FAM167A: variants seen among roughly 807,000 people sequenced by gnomAD.
FAM167A encodes protein FAM167A.
In FAM167A, 23 loss-of-function variants were observed where a neutral mutation model predicts 14.9. The observed-to-expected ratio is 1.55, with a 90% CI of 1.11 to 2.19. The LOEUF (loss-of-function observed/expected upper bound fraction) is 2.19. FAM167A is among the 30% of genes most tolerant of loss of function. FAM167A has a pLI of 0.00. For missense variants in FAM167A, 401 were observed against 281.5 expected, an observed-to-expected ratio of 1.42 and a Z score of -3.04; for synonymous variants, 174 against 117.7, an observed-to-expected ratio of 1.48 and a Z score of -3.10.
At chr8:11,433,744 C>T (rs1805784201) in intron 2 of FAM167A, among the ~76,000 whole-genome samples, 1 of 152,166 alleles carries the variant, frequency 6.6e-6, no homozygotes, top group South Asian at 2.1e-4. Flanking sequence ...TACAATTAGT[C>T]TCTGATGCAT....
At chr8:11,467,150 G>C (rs147952533), upstream of FAM167A, among the ~76,000 whole-genome samples, 2 of 152,230 alleles carry the variant, frequency 1.3e-5, no homozygotes, top group Non-Finnish European at 2.9e-5. Context: ...CATAGGACCC[G>C]CGGCCACGAC....
At chr8:11,455,795 G>C (rs200890665) in intron 1 of FAM167A, among the ~76,000 whole-genome samples, 1 of 21,922 alleles carries the variant, frequency 4.6e-5, no homozygotes, top group South Asian at 1.3e-3. Context: ...TGCTGGGGTT[G>C]TGTGAGTGTT....
intron 1 of FAM167A, among the ~76,000 whole-genome samples, chr8:11,456,744 C>T (rs1419125982): frequency 6.7e-6 from 1 of 149,296 alleles, no homozygotes; most frequent in Non-Finnish European, 1.5e-5. Flanking sequence ...ATGGGCGGGG[C>T]TGGGTGAAGG....
At chr8:11,426,968 A>G (rs1040431357) in intron 2 of FAM167A, among the ~76,000 whole-genome samples, 3 of 152,204 alleles carry the variant, frequency 2.0e-5, no homozygotes, top group African/African-American at 4.8e-5. Flanking sequence ...TCAGATGTCA[A>G]TTTACATTGC....
At chr8:11,468,235 G>A (rs1432273913), upstream of FAM167A, among the ~76,000 whole-genome samples, 1 of 152,222 alleles carries the variant, frequency 6.6e-6, no homozygotes, top group African/African-American at 2.4e-5. Flanking sequence ...GTCCTCTGAG[G>A]ATTAACAGCT....
chr8:11,428,709 C>T (rs1043846937), intron 2 of FAM167A, among the ~76,000 whole-genome samples: 2 of 152,240 alleles, frequency 1.3e-5, no homozygotes, highest in Non-Finnish European at 2.9e-5. Context: ...TCTCCTGCCC[C>T]AAAGAACAGG....
At chr8:11,448,361 G>C (rs1026686675) in intron 1 of FAM167A, among the ~76,000 whole-genome samples, 1 of 152,194 alleles carries the variant, frequency 6.6e-6, no homozygotes, top group African/African-American at 2.4e-5. Flanking sequence ...ACAAATGTGA[G>C]CTCTCAGCAC....
intron 1 of FAM167A, chr8:11,445,485 G>C (rs978460823): frequency 1.4e-5 from 14 of 985,802 alleles, no homozygotes; most frequent in Non-Finnish European, 1.4e-5. Context: ...GGTGGCACCT[G>C]GGCTGGATGG....
At chr8:11,456,175 T>G (rs1374130764) in intron 1 of FAM167A, among the ~76,000 whole-genome samples, 17 of 2,726 alleles carry the variant, frequency 6.2e-3, no homozygotes, top group East Asian at 0.013. Flanking sequence ...TGCCTTGCTG[T>G]GTGTGTGTGT....
At chr8:11,443,352 C>A (rs1006591147) in intron 2 of FAM167A, among the ~76,000 whole-genome samples, 3 of 152,362 alleles carry the variant, frequency 2.0e-5, no homozygotes, top group Middle Eastern at 3.4e-3. Context: ...GACCGCGCTG[C>A]GGTCCCAGCT....
chr8:11,453,693 A>G (rs957262320), intron 1 of FAM167A, among the ~76,000 whole-genome samples: 1 of 152,140 alleles, frequency 6.6e-6, no homozygotes, highest in African/African-American at 2.4e-5. Flanking sequence ...GAACAAAGCA[A>G]GAGTGTCCTC....
At chr8:11,458,593 T>C (rs1807419719) in intron 1 of FAM167A, among the ~76,000 whole-genome samples, 1 of 152,070 alleles carries the variant, frequency 6.6e-6, no homozygotes, top group Non-Finnish European at 1.5e-5. Context: ...TGACTGGGCC[T>C]GGGGATGTGC....
Position 11,423,553 on chromosome 8 carries a change from T to C in FAM167A, c.*820A>G, listed in dbSNP as rs1481235134. ...TCACGCCCCTGCAGGAGAATTCAGT[T>C]ATGGAAAATGCTTTCAGGACCTGCC... On this transcript the variant is annotated 3_prime_UTR_variant, in exon 3 of 3. Transcript: ENST00000284486. The C allele has an allele frequency of 6.6e-6, 1 of 152,222 alleles. No homozygotes were observed. The highest frequency in any genetic ancestry group is 2.4e-5 in the African/African-American group (1 of 41,422). 9.4% of individuals were successfully genotyped at this position (152,222 alleles called of 1,614,324 possible).
At chr8:11,468,265 G>C (rs1807850247), upstream of FAM167A, among the ~76,000 whole-genome samples, 1 of 152,230 alleles carries the variant, frequency 6.6e-6, no homozygotes. Flanking sequence ...GCAGGGGCCT[G>C]GCTGGCCTCT....
chr8:11,434,907 A>G (rs938364352), intron 2 of FAM167A: 2 of 399,550 alleles, frequency 5.0e-6, no homozygotes, highest in Non-Finnish European at 1.0e-5. Flanking sequence ...AGAGTGGGAG[A>G]GATGTGACTG....
At chr8:11,461,103 G>T (rs1409694947) in intron 1 of FAM167A, among the ~76,000 whole-genome samples, 1 of 152,226 alleles carries the variant, frequency 6.6e-6, no homozygotes, top group Non-Finnish European at 1.5e-5. Context: ...TGGCTCCTGG[G>T]AGCCACAGAT....
chr8:11,426,305 C>T (rs986416464), intron 2 of FAM167A, among the ~76,000 whole-genome samples: 2 of 152,204 alleles, frequency 1.3e-5, no homozygotes, highest in Admixed American at 6.5e-5. Flanking sequence ...ACTCCTGTCT[C>T]TCTGAAATGT....
intron 2 of FAM167A, among the ~76,000 whole-genome samples, chr8:11,427,505 G>C (rs1317710670): frequency 6.6e-6 from 1 of 152,188 alleles, no homozygotes; most frequent in Non-Finnish European, 1.5e-5. Flanking sequence ...GGTGCCTGGA[G>C]CCAAACTGAT....
At chr8:11,461,872 C>G (rs1807552409) in intron 1 of FAM167A, among the ~76,000 whole-genome samples, 1 of 152,212 alleles carries the variant, frequency 6.6e-6, no homozygotes, top group South Asian at 2.1e-4. Context: ...CACGGTGTTC[C>G]CTGTGCTTAT....
Sources: gnomAD v4.1 joint callset for allele counts (sites outside exome capture counted in the v4.1 genomes callset) on GRCh38, gnomAD v4.1.1 for gene constraint, MANE v1.5 for transcripts, NCBI Gene and HGNC (gene_info 2026-07-23, HGNC 2026-07-21) for gene names.